LMF1: variants seen among roughly 807,000 people sequenced by gnomAD.
LMF1 encodes the protein lipase maturation factor 1, also known as transmembrane protein 112.
LMF1 carries 68 observed loss-of-function variants against 60.6 expected under a neutral mutation model. That is an observed-to-expected ratio of 1.12 (90% CI 0.92 to 1.37). The LOEUF (loss-of-function observed/expected upper bound fraction) is 1.37. Ranked by LOEUF, LMF1 falls within the 40% of genes most tolerant of loss-of-function variation. The pLI, the probability that LMF1 is intolerant of heterozygous loss-of-function variation, is 0.00. For synonymous variants in LMF1, 418 were observed against 324.7 expected, an observed-to-expected ratio of 1.29 and a Z score of -3.09; for missense variants, 948 against 767.2, an observed-to-expected ratio of 1.24 and a Z score of -2.78.
chr16:953,985 A>ACACC (rs112379080), intron 2 of LMF1, among the ~76,000 whole-genome samples: 496 of 3,082 alleles, frequency 0.16, 147 homozygotes, highest in African/African-American at 0.19. Flanking sequence ...GTCCACACAG[A>ACACC]CACCCCAAAC....
intron 5 of LMF1, among the ~76,000 whole-genome samples, chr16:882,573 C>A (rs1381382380): frequency 6.6e-6 from 1 of 152,258 alleles, no homozygotes; most frequent in Non-Finnish European, 1.5e-5. Flanking sequence ...ACACCACGTG[C>A]AGCAGAAGAG....
intron 3 of LMF1, among the ~76,000 whole-genome samples, chr16:915,628 C>T (rs1253439165): frequency 6.6e-6 from 1 of 152,136 alleles, no homozygotes; most frequent in Non-Finnish European, 1.5e-5. Context: ...CCTTGGCGAC[C>T]CCAGTCAGAG....
At chr16:955,834 G>A (rs2072686410) in intron 1 of LMF1, among the ~76,000 whole-genome samples, 1 of 152,234 alleles carries the variant, frequency 6.6e-6, no homozygotes. Context: ...CTGGTCAACG[G>A]CATCACTCCC....
intron 1 of LMF1, chr16:980,065 C>T (rs928117132): frequency 3.2e-5 from 10 of 310,082 alleles, no homozygotes; most frequent in Non-Finnish European, 5.7e-5. Flanking sequence ...CAGCTCTCCA[C>T]CTACGATGCG....
In LMF1 at chr16:879,734, G is replaced by T; in HGVS notation, c.733C>A (p.Gln245Lys). 1 of 1,582,092 alleles carries T rather than the reference G, an allele frequency of 6.3e-7. No homozygotes were observed. Among genetic ancestry groups the T allele is most frequent in the African/African-American group, 1.3e-5 (1 of 74,444 alleles). Residue 245 changes from glutamine (Q) to lysine (K), a missense_variant, in exon 6 of 11, where the codon CAG (glutamine) becomes AAG (lysine). Physicochemically the swap from Gln to Lys is moderately conservative, Grantham distance 53. Transcript: ENST00000262301. ...LTCMDFHYET[Q>K]PMPNPVAYYL... is the part of the protein sequence containing the mutation. The stretch of plus-strand genomic sequence containing the variant: ...TACGCCACAGGATTGGGCATCGGCT[G>T]GGTCTGCAGGGACAGGAGGGGCCGT...
intron 3 of LMF1, chr16:933,317 CCTTT>C (rs1373892599): frequency 2.6e-5 from 4 of 152,392 alleles, no homozygotes; most frequent in Admixed American, 2.6e-4. Context: ...TGATGTTCTT[CCTTT>C]CTTTGATTCG....
intron 2 of LMF1, among the ~76,000 whole-genome samples, chr16:942,230 C>A (rs1298415923): frequency 6.6e-6 from 1 of 152,244 alleles, no homozygotes; most frequent in African/African-American, 2.4e-5. Flanking sequence ...AGATGCCAGT[C>A]CATCATCCTC....
intron 2 of LMF1, among the ~76,000 whole-genome samples, chr16:940,456 G>A (rs1344753656): frequency 6.6e-6 from 1 of 152,060 alleles, no homozygotes; most frequent in Admixed American, 6.6e-5. Flanking sequence ...CCTCCCCGCA[G>A]GCAGCGTCCT....
upstream of LMF1, among the ~76,000 whole-genome samples, chr16:971,781 G>A (rs545109585): frequency 6.6e-6 from 1 of 152,346 alleles, no homozygotes; most frequent in Admixed American, 6.5e-5. Context: ...AAGAAAGGGC[G>A]TGAGGCTAGA....
rs1007655219 is a variant in LMF1, at chr16:869,796, A to C, written c.1416+87T>G. ...AGCCTCCCTCCCCACCAGCCCCTTC[A>C]GTGGGCGTTCTAGAAACCTGCCATC... On this transcript the variant is annotated intron_variant, in intron 9 of 10. Transcript: ENST00000262301. The C allele has an allele frequency of 4.1e-5, 56 of 1,368,168 alleles. No homozygotes were observed. In the African/African-American group the frequency reaches 6.3e-4, roughly 15 times the overall value. The allele number at this position is 1,368,168 out of a possible 1,614,324, so 84.8% of individuals were successfully genotyped here.
intron 3 of LMF1, among the ~76,000 whole-genome samples, chr16:911,500 CAG>C (rs1464063586): frequency 1.3e-5 from 2 of 149,218 alleles, no homozygotes; most frequent in Non-Finnish European, 3.0e-5. Context: ...AGCCCAGAAA[CAG>C]CATGGGGAGG....
chr16:979,934 C>A (rs113298737), intron 1 of LMF1: 2 of 360,390 alleles, frequency 5.5e-6, no homozygotes, highest in Admixed American at 3.4e-5. Flanking sequence ...GGACCCCGAG[C>A]GGAGGGCAGG....
intron 3 of LMF1, among the ~76,000 whole-genome samples, chr16:916,270 C>T (rs141390811): frequency 1.0e-3 from 153 of 152,274 alleles, no homozygotes; most frequent in African/African-American, 3.4e-3. Flanking sequence ...CCACCATCCA[C>T]GTTAGAAACA....
intron 1 of LMF1, among the ~76,000 whole-genome samples, chr16:966,661 G>C (rs2072930759): frequency 6.6e-6 from 1 of 152,216 alleles, no homozygotes; most frequent in African/African-American, 2.4e-5. Context: ...GTGTGTCCTT[G>C]GTCCGCCTTC....
At chr16:954,731 C>T in intron 1 of LMF1, 65 bp from the exon 2 acceptor site, 1 of 1,476,954 alleles carries the variant, frequency 6.8e-7, no homozygotes, top group East Asian at 2.3e-5. Flanking sequence ...ACCATGGGCG[C>T]AGCTCAGAAT....
intron 5 of LMF1, among the ~76,000 whole-genome samples, chr16:890,035 CCTCG>C (rs1290397668): frequency 6.6e-6 from 1 of 152,162 alleles, no homozygotes; most frequent in Admixed American, 6.5e-5. Context: ...GATGTGGTGT[CCTCG>C]CTCTCCCCAC....
chr16:944,630 G>A (rs1055856145), intron 2 of LMF1, among the ~76,000 whole-genome samples: 4 of 152,124 alleles, frequency 2.6e-5, no homozygotes, highest in Non-Finnish European at 5.9e-5. Context: ...GGGGAGGCTC[G>A]TCCTGCACCT....
chr16:874,681 G>A lies in LMF1; in HGVS notation c.898-3340C>T, dbSNP rs1567163703. 6.6e-6 allele frequency among the ~76,000 whole-genome samples: 1 copy of A among 152,124 alleles called. No individual in the cohort carries two copies. Among genetic ancestry groups the A allele is most frequent in the East Asian group, 1.9e-4 (1 of 5,186 alleles). On this transcript the variant is annotated intron_variant, in intron 6 of 10. Transcript: ENST00000262301. The surrounding 1 kb of genome is among the most constrained non-coding windows in gnomAD (Gnocchi z 4.1). ...ATCACGGGAACCAGGACAGGCTCCG[G>A]GGGACGGTGCTCAGATGGGAACACA... is the stretch of plus-strand genomic sequence containing the variant.
chr16:857,692 T>A (rs368795894), intron 10 of LMF1, among the ~76,000 whole-genome samples: 8 of 22,490 alleles, frequency 3.6e-4, no homozygotes, highest in East Asian at 1.5e-3. Flanking sequence ...GAGTGGTGTC[T>A]CGGGACGGGT....
Sources: allele counts gnomAD v4.1 joint callset (sites outside exome capture counted in the v4.1 genomes callset), GRCh38; gene constraint gnomAD v4.1.1; non-coding constraint Gnocchi (gnomAD v3.1); transcripts MANE v1.5; gene names NCBI Gene and HGNC (gene_info 2026-07-23, HGNC 2026-07-21).